The following HFM1 variants were observed in gnomAD, a reference collection of about 807,000 sequenced individuals.
The protein encoded by HFM1 is helicase for meiosis 1, also known as probable ATP-dependent DNA helicase HFM1.
In HFM1, 169 loss-of-function variants were observed where a neutral mutation model predicts 192.1. The ratio of observed to expected loss-of-function variants is 0.88; its 90% CI spans 0.78 to 1.00. The LOEUF is 1.00. Ranked by LOEUF, HFM1 falls within the 50% of genes least tolerant of loss-of-function variation. The pLI is 0.00. For synonymous variants in HFM1, 525 were observed against 537.8 expected (o/e 0.98, Z 0.33); for missense variants, 1,661 against 1,668.0 (o/e 1.00, Z 0.07).
At chr1:91,396,828 G>A (rs751849235) in intron 2 of HFM1, among the ~76,000 whole-genome samples, 1 of 152,156 alleles carries the variant, frequency 6.6e-6, no homozygotes, top group Non-Finnish European at 1.5e-5. Flanking sequence ...TCCAGAGCTG[G>A]GATCCCCAAC....
At chr1:91,298,076 T>C (rs1179305411) in intron 30 of HFM1, among the ~76,000 whole-genome samples, 1 of 151,778 alleles carries the variant, frequency 6.6e-6, no homozygotes, top group African/African-American at 2.4e-5. Flanking sequence ...GAATAACCAA[T>C]GCAGAGAAGT....
At chr1:91,296,348 T>C (rs1433942194) in intron 30 of HFM1, among the ~76,000 whole-genome samples, 6 of 152,238 alleles carry the variant, frequency 3.9e-5, no homozygotes, top group Non-Finnish European at 5.9e-5. Flanking sequence ...GTAGGTGTAT[T>C]TCTGGACTCT....
At chr1:91,321,574 G>C (rs184792484) in intron 23 of HFM1, among the ~76,000 whole-genome samples, 6 of 152,228 alleles carry the variant, frequency 3.9e-5, no homozygotes, top group Non-Finnish European at 7.4e-5. Context: ...CAAAGTAACA[G>C]GGATATGACA....
At chr1:91,295,776 GC>G (rs1647457200) in intron 30 of HFM1, among the ~76,000 whole-genome samples, 1 of 151,816 alleles carries the variant, frequency 6.6e-6, no homozygotes, top group Non-Finnish European at 1.5e-5. Flanking sequence ...AAAGTTTTGT[GC>G]CCTGTTTTTT....
intron 13 of HFM1, among the ~76,000 whole-genome samples, chr1:91,363,346 AAAC>A: frequency 1.2e-3 from 1 of 808 alleles, no homozygotes; most frequent in Non-Finnish European, 2.9e-3. Flanking sequence ...GAAAAAAAAC[AAAC>A]AACCCCATTA....
intron 30 of HFM1, among the ~76,000 whole-genome samples, chr1:91,309,158 T>TC (rs1236183780): frequency 6.6e-6 from 1 of 152,168 alleles, no homozygotes; most frequent in African/African-American, 2.4e-5. Context: ...TTACTATTTA[T>TC]CATAATTGCC....
chr1:91,368,486 C>G (rs1324853925), intron 13 of HFM1, among the ~76,000 whole-genome samples: 3 of 152,104 alleles, frequency 2.0e-5, no homozygotes, highest in African/African-American at 7.2e-5. Flanking sequence ...AATTTCATAT[C>G]CAGCCAAACT....
At chr1:91,362,337 C>T (rs1174404155) in intron 13 of HFM1, among the ~76,000 whole-genome samples, 1 of 152,204 alleles carries the variant, frequency 6.6e-6, no homozygotes, top group Admixed American at 6.5e-5. Context: ...TAAGCAATTT[C>T]AGCAAAGTCT....
intron 13 of HFM1, among the ~76,000 whole-genome samples, chr1:91,357,043 C>T (rs1657843855): frequency 6.6e-6 from 1 of 152,142 alleles, no homozygotes; most frequent in Admixed American, 6.5e-5. Context: ...AGAATTACCA[C>T]CAATACTTCA....
At chr1:91,274,906 C>A (rs549106410) in intron 32 of HFM1, 97 bp from the exon 33 acceptor site, 1 of 551,872 alleles carries the variant, frequency 1.8e-6, no homozygotes, top group Admixed American at 3.2e-5. Context: ...TACATAAAGT[C>A]CCCAAATCAA....
At chr1:91,265,973 G>T in intron 36 of HFM1, 44 bp downstream of exon 36, 2 of 1,582,766 alleles carry the variant, frequency 1.3e-6, no homozygotes, top group East Asian at 4.6e-5. Flanking sequence ...GTGTCAAGGG[G>T]ATATAAAGTT....
chr1:91,329,620 T>A, intron 20 of HFM1: 1 of 838,782 alleles, frequency 1.2e-6, no homozygotes, highest in South Asian at 1.9e-5. Context: ...GAGAGAGCAT[T>A]CTAAGGTTTT....
rs185139242 is a variant in HFM1 at position 91,300,580 on chromosome 1, T to C, written c.3391+12769A>G. Among the ~76,000 whole-genome samples the C allele has an allele frequency of 2.3e-3, 356 of 152,304 alleles. 1 individual carries two copies. Among genetic ancestry groups the C allele is most frequent in the African/African-American group, 8.0e-3 (332 of 41,570 alleles). ...ATCTAGCAGCACATCAAAAAGCTTA[T>C]CCACCATGATCAAGTGGGCTTCATC... On this transcript the variant is annotated intron_variant, in intron 30 of 38. Coordinates refer to ENST00000370425, the MANE Select transcript of HFM1 (RefSeq NM_001017975.6).
At chr1:91,393,085 C>T (rs1272085356) in intron 4 of HFM1, among the ~76,000 whole-genome samples, 5 of 152,074 alleles carry the variant, frequency 3.3e-5, no homozygotes, top group Non-Finnish European at 1.5e-5. Context: ...AATAATTCTA[C>T]ACTTTAAAAA....
At chr1:91,324,900 G>A (rs1379573976) in intron 20 of HFM1, 134 bp from the exon 21 acceptor site, 4 of 661,060 alleles carry the variant, frequency 6.1e-6, no homozygotes, top group African/African-American at 5.5e-5. Flanking sequence ...GGTCCTCACT[G>A]CAGGAACACC....
At chr1:91,348,870 G>A (rs771340898) in intron 18 of HFM1, among the ~76,000 whole-genome samples, 61 of 152,164 alleles carry the variant, frequency 4.0e-4, no homozygotes, top group Admixed American at 1.3e-3. Context: ...GCTGCAGTAA[G>A]CTGTGATCAC....
chr1:91,402,567 C>CA (rs1180279594), intron 1 of HFM1, among the ~76,000 whole-genome samples: 2 of 152,058 alleles, frequency 1.3e-5, no homozygotes, highest in African/African-American at 4.8e-5. Flanking sequence ...TAGAGGGAGT[C>CA]ATTCAGAAAT....
Position 91,343,482 on chromosome 1 carries a change from T to A in HFM1, c.2283A>T (p.Leu761Phe). The change falls in exon 20 of 39, where the codon TTA becomes TTT. Residue 761 changes from leucine (L) to phenylalanine (F), a missense_variant. Transcript: ENST00000370425. ...QELCLKNLND[L>F]SSLDLIKMDE... is the part of the protein sequence containing the mutation. ...CCATCTTTATTAAGTCCAGGGATGA[T>A]AAATCATTCAGATTCTTCAAACATA... The A allele has an allele frequency of 7.0e-7, 1 of 1,431,664 alleles. No homozygotes were observed. The highest frequency in any genetic ancestry group is 2.4e-5 in the East Asian group (1 of 41,520). The allele number at this position is 1,431,664 out of a possible 1,614,324, so 88.7% of individuals were successfully genotyped here.
At chr1:91,358,238 C>T (rs918936256) in intron 13 of HFM1, among the ~76,000 whole-genome samples, 1 of 151,804 alleles carries the variant, frequency 6.6e-6, no homozygotes, top group South Asian at 2.1e-4. Flanking sequence ...GAGCCGAGAT[C>T]GCGCCACTGC....
Sources: allele counts gnomAD v4.1 joint callset (sites outside exome capture counted in the v4.1 genomes callset), GRCh38; gene constraint gnomAD v4.1.1; transcripts MANE v1.5; gene names NCBI Gene and HGNC (gene_info 2026-07-23, HGNC 2026-07-21).